The following CSMD1 variants were observed in gnomAD, a reference collection of about 807,000 sequenced individuals.
CSMD1 encodes the protein CUB and Sushi multiple domains 1.
Under a neutral mutation model 417.5 loss-of-function variants are expected in CSMD1, and 213 were observed. The ratio of observed to expected loss-of-function variants is 0.51; its 90% CI spans 0.46 to 0.57. The LOEUF (loss-of-function observed/expected upper bound fraction) is 0.57, where lower values mean the gene tolerates loss of function less well. CSMD1 is among the 20% of genes least tolerant of loss of function. CSMD1 has a pLI of 0.00. For synonymous variants in CSMD1, 2,862 were observed against 1,736.8 expected, an observed-to-expected ratio of 1.65 and a Z score of -16.11; for missense variants, 6,923 against 4,529.7, an observed-to-expected ratio of 1.53 and a Z score of -15.17.
At chr8:3,985,611 A>G (rs913297032) in intron 5 of CSMD1, among the ~76,000 whole-genome samples, 1 of 152,190 alleles carries the variant, frequency 6.6e-6, no homozygotes, top group Non-Finnish European at 1.5e-5. Flanking sequence ...CTTCTAGTAC[A>G]GGAAGATCCT....
chr8:4,722,457 G>A (rs1424710350), intron 1 of CSMD1, among the ~76,000 whole-genome samples: 2 of 152,142 alleles, frequency 1.3e-5, no homozygotes, highest in South Asian at 4.1e-4. Flanking sequence ...AATGCATTTT[G>A]TACTGCAGTC....
chr8:3,094,967 A>G (rs1815197163), intron 47 of CSMD1, among the ~76,000 whole-genome samples: 1 of 152,182 alleles, frequency 6.6e-6, no homozygotes, highest in Non-Finnish European at 1.5e-5. Context: ...CTGATTTCTG[A>G]TAATTTTGAC....
At chr8:3,695,670 T>C (rs1002654300) in intron 7 of CSMD1, among the ~76,000 whole-genome samples, 1 of 152,174 alleles carries the variant, frequency 6.6e-6, no homozygotes, top group African/African-American at 2.4e-5. Context: ...AAAATAATGA[T>C]TAGAAAGATT....
At chr8:4,582,755 T>C (rs1563307778) in intron 2 of CSMD1, among the ~76,000 whole-genome samples, 1 of 152,216 alleles carries the variant, frequency 6.6e-6, no homozygotes. Context: ...GGCCCACCGC[T>C]GCACTGTGGG....
rs762761796 is a variant in CSMD1, at chr8:3,403,901, G to A, written c.2266+2126C>T. On this transcript the variant is annotated intron_variant, in intron 15 of 69. Transcript: ENST00000635120. The stretch of plus-strand genomic sequence containing the variant: ...CATAAAAACTGTACATTTACCATAT[G>A]TGATGGAAATACATACAAATGAAAT... Among the ~76,000 whole-genome samples, 117 of 152,144 alleles carry A rather than the reference G, an allele frequency of 7.7e-4. 2 individuals carry two copies. The highest frequency in any genetic ancestry group is 2.6e-4 in the Non-Finnish European group (18 of 68,030).
intron 6 of CSMD1, among the ~76,000 whole-genome samples, chr8:3,708,986 G>C (rs185687284): frequency 2.8e-4 from 42 of 152,212 alleles, no homozygotes; most frequent in Non-Finnish European, 4.9e-4. Flanking sequence ...TAGAGGAAAG[G>C]CATGCTCTAC....
intron 1 of CSMD1, among the ~76,000 whole-genome samples, chr8:4,731,545 T>C (rs1809866195): frequency 6.6e-6 from 1 of 152,224 alleles, no homozygotes; most frequent in Non-Finnish European, 1.5e-5. Context: ...CTTTTGTTCA[T>C]TAATTATTAA....
intron 3 of CSMD1, among the ~76,000 whole-genome samples, chr8:4,290,622 T>A (rs985268622): frequency 2.0e-5 from 3 of 152,230 alleles, no homozygotes; most frequent in African/African-American, 7.2e-5. Context: ...ATGCTGTATT[T>A]AGGAAAGATT....
chr8:4,633,957 A>C (rs757831111), intron 2 of CSMD1, among the ~76,000 whole-genome samples: 1 of 151,780 alleles, frequency 6.6e-6, no homozygotes, highest in African/African-American at 2.4e-5. Context: ...GAGTCAATAA[A>C]GTTCAGCTGT....
At chr8:4,886,255 G>A (rs1269102441) in intron 1 of CSMD1, among the ~76,000 whole-genome samples, 2 of 152,000 alleles carry the variant, frequency 1.3e-5, no homozygotes, top group East Asian at 3.8e-4. Context: ...CTCTCAAAAT[G>A]CTGGAATTTC....
At chr8:4,529,889 T>G (rs902230172) in intron 2 of CSMD1, among the ~76,000 whole-genome samples, 1 of 100,756 alleles carries the variant, frequency 9.9e-6, no homozygotes, top group Non-Finnish European at 2.5e-5. Flanking sequence ...TTTTTTTAAA[T>G]TTATTTAATT....
intron 1 of CSMD1, among the ~76,000 whole-genome samples, chr8:4,714,619 CT>C (rs1471777313): frequency 1.7e-5 from 2 of 117,160 alleles, no homozygotes; most frequent in Non-Finnish European, 3.4e-5. Flanking sequence ...ATTCACACCA[CT>C]CATCCAAAAA....
chr8:4,380,936 A>G (rs139849969), intron 3 of CSMD1, among the ~76,000 whole-genome samples: 2 of 152,280 alleles, frequency 1.3e-5, no homozygotes, highest in East Asian at 3.9e-4. Flanking sequence ...TCTATCCACA[A>G]CTGATAACCT....
chr8:3,723,364 C>A (rs1248531517), intron 6 of CSMD1, among the ~76,000 whole-genome samples: 1 of 152,186 alleles, frequency 6.6e-6, no homozygotes, highest in Non-Finnish European at 1.5e-5. Flanking sequence ...ATCTCCCTTT[C>A]TTAAAGTCAA....
At chr8:4,784,160 A>T (rs973290111) in intron 1 of CSMD1, among the ~76,000 whole-genome samples, 1 of 152,220 alleles carries the variant, frequency 6.6e-6, no homozygotes, top group African/African-American at 2.4e-5. Flanking sequence ...ATTCATATTT[A>T]TGTACTCAAG....
intron 1 of CSMD1, among the ~76,000 whole-genome samples, chr8:4,696,645 A>T (rs558840282): frequency 6.6e-6 from 1 of 152,204 alleles, no homozygotes; most frequent in South Asian, 2.1e-4. Context: ...TTTTTCATTT[A>T]TCTGGTTTCT....
intron 46 of CSMD1, among the ~76,000 whole-genome samples, chr8:3,101,821 A>G (rs1375679650): frequency 1.0e-5 from 1 of 95,870 alleles, no homozygotes; most frequent in Non-Finnish European, 2.1e-5. Context: ...TTTTTTTTTT[A>G]GACAGAGTCT....
rs562400670 is a variant in CSMD1, at chr8:4,714,544, G to A, written c.86-76986C>T. Among the ~76,000 whole-genome samples the A allele has an allele frequency of 1.4e-4, 22 of 152,160 alleles. No individual in the cohort carries two copies. In the South Asian group the frequency reaches 3.9e-3, roughly 27 times the overall value. On this transcript the variant is annotated intron_variant, in intron 1 of 69. Transcript: ENST00000635120. ...CAATTGAACATAACAGATAGAGAAG[G>A]CCCAAAGAGAAGTCGGAACTTTCCC...
intron 23 of CSMD1, among the ~76,000 whole-genome samples, chr8:3,337,567 C>T (rs1393679560): frequency 6.6e-6 from 1 of 152,156 alleles, no homozygotes; most frequent in East Asian, 1.9e-4. Flanking sequence ...ACTCTTTCAT[C>T]AATGCTATGT....
Sources: allele counts gnomAD v4.1 joint callset (sites outside exome capture counted in the v4.1 genomes callset), GRCh38; gene constraint gnomAD v4.1.1; transcripts MANE v1.5; gene names NCBI Gene and HGNC (gene_info 2026-07-23, HGNC 2026-07-21).